The following COL6A3 variants were observed in gnomAD, a reference collection of about 807,000 sequenced individuals.
COL6A3 encodes collagen alpha-3(VI) chain.
COL6A3 carries 137 observed loss-of-function variants against 274.1 expected under a neutral mutation model. That is an observed-to-expected ratio of 0.50 (90% CI 0.44 to 0.58). The LOEUF (loss-of-function observed/expected upper bound fraction) is 0.58. COL6A3 is among the 20% of genes least tolerant of loss of function. COL6A3 has a pLI of 0.00. For synonymous variants in COL6A3, 1,650 were observed against 1,650.6 expected, an observed-to-expected ratio of 1.00 and a Z score of 0.01; for missense variants, 3,950 against 4,124.9, an observed-to-expected ratio of 0.96 and a Z score of 1.16.
chr2:237,345,313 C>T (rs2077076170), intron 32 of COL6A3, 100 bp from the exon 33 acceptor site: 2 of 1,108,896 alleles, frequency 1.8e-6, no homozygotes, highest in South Asian at 1.3e-5. Flanking sequence ...ACAAAGGGGC[C>T]CCTGGATAAC....
chr2:237,365,850 C>T lies in COL6A3; in HGVS notation c.5686G>A (p.Gly1896Ser). 1 of 1,614,200 alleles carries T rather than the reference C, an allele frequency of 6.2e-7. No individual in the cohort carries two copies. The highest frequency in any genetic ancestry group is 8.5e-7 in the Non-Finnish European group (1 of 1,180,042). ...TCAAAGTCAAAGGCCTCCACCGGGC[C>T]CGAGGGCGTGTTGGCCACCACTGAC... ...RVSVVANTPSGPVEAFDFDEY... is the reference protein window; with the variant it reads ...RVSVVANTPSSPVEAFDFDEY... Residue 1896 changes from glycine (G) to serine (S), a missense_variant, in exon 12 of 44, where the codon GGC (glycine) becomes AGC (serine). By Grantham distance (56) the Gly-to-Ser change is moderately conservative (BLOSUM62 0). Coordinates refer to ENST00000295550, the MANE Select transcript of COL6A3 (RefSeq NM_004369.4).
chr2:237,364,225 G>A lies in COL6A3; in HGVS notation c.5917+125C>T. ...TGAAGGGCCACAACGCTGGGAGGAA[G>A]AGTCTCCCAAGACAACGCTGCTCCC... is the stretch of plus-strand genomic sequence containing the variant. On this transcript the variant is annotated intron_variant, in intron 13 of 43. Coordinates refer to ENST00000295550, the MANE Select transcript of COL6A3 (RefSeq NM_004369.4). This position sits in a 1 kb window ranked among gnomAD's most constrained non-coding sequence, Gnocchi z 4.6. 1 of 778,348 alleles carries A rather than the reference G, an allele frequency of 1.3e-6. No individual in the cohort carries two copies. The highest frequency in any genetic ancestry group is 1.4e-5 in the South Asian group (1 of 70,576). The allele number at this position is 778,348 out of a possible 1,614,324, so 48.2% of individuals were successfully genotyped here.
chr2:237,350,994 G>A (rs756767351), intron 27 of COL6A3, 136 bp downstream of exon 27: 33 of 818,510 alleles, frequency 4.0e-5, no homozygotes, highest in Non-Finnish European at 5.7e-5. Context: ...GCCAAGCCGC[G>A]ATCAACAGGG....
intron 37 of COL6A3, among the ~76,000 whole-genome samples, chr2:237,341,541 T>A (rs1285663813): frequency 1.2e-5 from 1 of 83,622 alleles, no homozygotes; most frequent in East Asian, 2.9e-4. Flanking sequence ...CAAGACTCTG[T>A]CTAAAAAAAA....
At position 237,352,545 on chromosome 2, in the gene COL6A3, C is replaced by T. The variant is rs753307921; in HGVS notation, c.6730G>A (p.Glu2244Lys). The stretch of plus-strand genomic sequence containing the variant: ...ACCCGAGGTCCAGAAATGCCTTGTT[C>T]TCCTATCAGCCCTGGAGGACCAGCA... ...GPAGPPGLIGEQGISGPRGSG... is the reference protein window; with the variant it reads ...GPAGPPGLIGKQGISGPRGSG... The change falls in exon 26 of 44, where the codon GAA (glutamate) becomes AAA (lysine). Residue 2244 changes from glutamate (E) to lysine (K), a missense_variant. Transcript: ENST00000295550. 3.7e-6 allele frequency: 6 copies of T among 1,613,384 alleles called. No homozygotes were observed. The Admixed American group carries it at 8.3e-5, about 22-fold the overall frequency.
intron 4 of COL6A3, among the ~76,000 whole-genome samples, chr2:237,383,659 T>G (rs1431212504): frequency 6.6e-6 from 1 of 152,222 alleles, no homozygotes; most frequent in Non-Finnish European, 1.5e-5. Flanking sequence ...AATACTCATA[T>G]AACAATGACC....
rs1164602064 is a variant in COL6A3 at position 237,361,318 on chromosome 2, A to G, written c.6157-144T>C. 5.4e-6 allele frequency: 4 copies of G among 747,174 alleles called. No homozygotes were observed. The highest frequency in any genetic ancestry group is 9.5e-6 in the Non-Finnish European group (4 of 421,516). The allele number at this position is 747,174 out of a possible 1,614,324, so 46.3% of individuals were successfully genotyped here. A position where few individuals can be genotyped will look rare whatever the true frequency, so the allele number is the denominator to read the frequency against. ...CTGTTACTGCTTTTCCCCTCAGTACACCATGTCACGATTCTCTCTATCAGG... is the reference window on the plus strand; with the variant it reads ...CTGTTACTGCTTTTCCCCTCAGTACGCCATGTCACGATTCTCTCTATCAGG... On this transcript the variant is annotated intron_variant, in intron 15 of 43. Transcript: ENST00000295550. This position sits in a 1 kb window ranked among gnomAD's most constrained non-coding sequence, Gnocchi z 5.1.
chr2:237,334,903 CA>C lies in COL6A3; in HGVS notation c.8966-15del. On this transcript the variant is annotated splice_polypyrimidine_tract_variant and intron_variant, in intron 40 of 43. Coordinates refer to ENST00000295550, the MANE Select transcript of COL6A3 (RefSeq NM_004369.4). ...GGGACATCTTAACTGAAAGATAGAT[CA>C]GAGCGTGAAGATAAAAAATAAAATC... The C allele has an allele frequency of 6.2e-7, 1 of 1,613,998 alleles. No individual in the cohort carries two copies. The highest frequency in any genetic ancestry group is 1.7e-5 in the Admixed American group (1 of 60,018).
intron 1 of COL6A3, among the ~76,000 whole-genome samples, chr2:237,408,546 C>T (rs2078776767): frequency 6.6e-6 from 1 of 152,206 alleles, no homozygotes; most frequent in African/African-American, 2.4e-5. Context: ...GAATGGTTTC[C>T]CTTGAGATCT....
At chr2:237,408,428 C>T (rs1056281911) in intron 1 of COL6A3, among the ~76,000 whole-genome samples, 3 of 152,232 alleles carry the variant, frequency 2.0e-5, no homozygotes, top group African/African-American at 7.2e-5. Flanking sequence ...CCCTGGTGCA[C>T]CGCCGGGCCG....
In COL6A3 at chr2:237,371,975, A is replaced by T. The variant is rs1271599306; in HGVS notation, c.4042T>A (p.Ser1348Thr). Residue 1348 changes from serine (S) to threonine (T), a missense_variant, in exon 9 of 44, where the codon TCT becomes ACT. Around this residue, in one of 5 missense-constraint regions of COL6A3, gnomAD observed 1,934 missense variants for 1,984.3 expected, o/e 0.97. Transcript: ENST00000295550. The surrounding 1 kb of genome is among the most constrained non-coding windows in gnomAD (Gnocchi z 4.3). ...QFLVLISSGK[S>T]DDEVDDPAVE... ...GCCGGGTCGTCCACCTCATCGTCAG[A>T]CTTTCCAGACGAGATGAGGACCAGG... The T allele has an allele frequency of 6.2e-7, 1 of 1,613,932 alleles. No individual in the cohort carries two copies. The highest frequency in any genetic ancestry group is 1.3e-5 in the African/African-American group (1 of 74,906).
chr2:237,381,289 A>T lies in COL6A3; in HGVS notation c.1523T>A (p.Val508Asp), dbSNP rs1218976060. The T allele has an allele frequency of 6.2e-7, 1 of 1,614,240 alleles. No individual in the cohort carries two copies. The highest frequency in any genetic ancestry group is 1.3e-5 in the African/African-American group (1 of 75,070). The stretch of plus-strand genomic sequence containing the variant: ...CTTCATTTTCCGCACAGCGGTTATG[A>T]CTTCCCTTTTTGTTGGATGGGTATT... ...YFNTHPTKRE[V>D]ITAVRKMKPL... The change falls in exon 5 of 44, where the codon GTC becomes GAC. Residue 508 changes from valine (V) to aspartate (D), a missense_variant. This residue lies in a region of COL6A3 where 1,934 missense variants were observed against 1,984.3 expected (regional missense o/e 0.97). Transcript: ENST00000295550.
intron 1 of COL6A3, among the ~76,000 whole-genome samples, chr2:237,411,283 C>T (rs2078849240): frequency 6.6e-6 from 1 of 152,182 alleles, no homozygotes; most frequent in South Asian, 2.1e-4. Context: ...TGTTACTGCG[C>T]CTGCAAGGAA....
intron 1 of COL6A3, among the ~76,000 whole-genome samples, chr2:237,403,892 C>G (rs1166957551): frequency 1.3e-5 from 2 of 151,818 alleles, no homozygotes; most frequent in Non-Finnish European, 2.9e-5. Flanking sequence ...ACCCTGGGAA[C>G]CTTCCAGACT....
Position 237,413,730 on chromosome 2 carries a change from A to T in COL6A3, c.-31+223T>A, listed in dbSNP as rs1447967544. ...AGACACGCGGTGGAAAAGTGCTCACACTCTTAGGCAATCATGACCTTAACC... is the reference window on the plus strand; with the variant it reads ...AGACACGCGGTGGAAAAGTGCTCACTCTCTTAGGCAATCATGACCTTAACC... On this transcript the variant is annotated intron_variant, in intron 1 of 43. Coordinates refer to ENST00000295550, the MANE Select transcript of COL6A3 (RefSeq NM_004369.4). This position sits in a 1 kb window ranked among gnomAD's most constrained non-coding sequence, Gnocchi z 4.0. 2.0e-5 allele frequency among the ~76,000 whole-genome samples: 3 copies of T among 152,148 alleles called. No homozygotes were observed. In the East Asian group the frequency reaches 5.8e-4, roughly 29 times the overall value.
At chr2:237,353,748 G>A (rs570601221) in intron 24 of COL6A3, among the ~76,000 whole-genome samples, 6 of 152,222 alleles carry the variant, frequency 3.9e-5, no homozygotes, top group Admixed American at 3.3e-4. Context: ...AGAGGCGCCC[G>A]CCCGGGACAC....
rs370376119 is a variant in COL6A3, at chr2:237,375,247, G to C, written c.3071-227C>G. Among the ~76,000 whole-genome samples the C allele has an allele frequency of 3.9e-5, 6 of 152,278 alleles. No individual in the cohort carries two copies. The East Asian group carries it at 9.7e-4, about 25-fold the overall frequency. On this transcript the variant is annotated intron_variant, in intron 7 of 43. Transcript: ENST00000295550. ...TCAATCACAAGTGTCCTTATAAGAG[G>C]GGGTAAGAGGGTCAGAGTTAGAGAG...
At position 237,325,756 on chromosome 2, in the gene COL6A3, T is replaced by A. The variant is rs764378957; in HGVS notation, c.9329-32A>T. 2.5e-6 allele frequency: 4 copies of A among 1,595,816 alleles called. No homozygotes were observed. In the East Asian group the frequency reaches 8.9e-5, roughly 36 times the overall value. On this transcript the variant is annotated intron_variant, in intron 42 of 43. Coordinates refer to ENST00000295550, the MANE Select transcript of COL6A3 (RefSeq NM_004369.4). The stretch of plus-strand genomic sequence containing the variant: ...TAAAAACATGAGAAAAGGATATTAA[T>A]GAGAACATGCGTGTTACTCGGCTCC...
Position 237,387,736 on chromosome 2 carries a change from C to T in COL6A3, c.1158G>A (p.Arg386=), listed in dbSNP as rs1489168501. The T allele has an allele frequency of 6.2e-7, 1 of 1,614,042 alleles. No homozygotes were observed. The highest frequency in any genetic ancestry group is 1.1e-5 in the South Asian group (1 of 91,042). ...SFGLGAQAAS[R]AELQHIATDD... ...CGGTAGCTATGTGCTGAAGCTCTGCCCTGGAGGCGGCCTGGGCTCCAAGGC... is the reference window on the plus strand; with the variant it reads ...CGGTAGCTATGTGCTGAAGCTCTGCTCTGGAGGCGGCCTGGGCTCCAAGGC... The change falls in exon 4 of 44, where the codon AGG becomes AGA. Residue 386 remains arginine, a synonymous_variant. Coordinates refer to ENST00000295550, the MANE Select transcript of COL6A3 (RefSeq NM_004369.4).
Sources: gnomAD v4.1 joint callset for allele counts (sites outside exome capture counted in the v4.1 genomes callset) on GRCh38, gnomAD v4.1.1 for gene constraint, gnomAD v4.1.1 regional missense constraint, Gnocchi (gnomAD v3.1) non-coding constraint, MANE v1.5 for transcripts, NCBI Gene and HGNC (gene_info 2026-07-23, HGNC 2026-07-21) for gene names.